The following CIMAP1B variants were observed in gnomAD, a reference collection of about 807,000 sequenced individuals.
CIMAP1B encodes the protein orf2 5' to PD-ECGF/TP.
At chr22:50,532,006 T>C in the CIMAP1B span, 3 of 1,358,884 alleles carry the variant, frequency 2.2e-6, no homozygotes, top group Admixed American at 1.1e-4. Flanking sequence ...GCCCGGGGCC[T>C]CCGTAGTGCG....
the CIMAP1B span, chr22:50,530,564 C>G: frequency 1.9e-6 from 3 of 1,585,014 alleles, no homozygotes; most frequent in Non-Finnish European, 2.6e-6. Context: ...TCCGGTGCTG[C>G]GGGCCCGGAG....
the CIMAP1B span, chr22:50,530,747 G>A: frequency 1.9e-6 from 3 of 1,610,562 alleles, no homozygotes; most frequent in Non-Finnish European, 2.5e-6. Flanking sequence ...CCTGGCTTCC[G>A]AGTGTTGTCT....
the CIMAP1B span, chr22:50,530,749 G>A: frequency 6.2e-7 from 1 of 1,611,156 alleles, no homozygotes. Context: ...TGGCTTCCGA[G>A]TGTTGTCTTG....
At chr22:50,532,237 C>T in the CIMAP1B span, 1 of 1,037,988 alleles carries the variant, frequency 9.6e-7, no homozygotes, top group Non-Finnish European at 1.2e-6. Flanking sequence ...GCCAGCAAAA[C>T]AAACGCGAGC....
At chr22:50,530,594 G>C in the CIMAP1B span, 5 of 1,568,162 alleles carry the variant, frequency 3.2e-6, no homozygotes, top group Non-Finnish European at 4.3e-6. Context: ...ACCTCGCGGG[G>C]CCGGCATCCT....
the CIMAP1B span, chr22:50,530,851 G>C: frequency 6.2e-7 from 1 of 1,605,022 alleles, no homozygotes; most frequent in African/African-American, 1.3e-5. Context: ...GGGGCCCGGG[G>C]TCTGCGAGAG....
At chr22:50,531,636 C>T in the CIMAP1B span, 1 of 1,379,566 alleles carries the variant, frequency 7.2e-7, no homozygotes, top group South Asian at 1.7e-5. Context: ...GCGGGGGCGC[C>T]GTCGGTGCCG....
At chr22:50,532,065 C>A in the CIMAP1B span, 3 of 1,361,530 alleles carry the variant, frequency 2.2e-6, 1 homozygote, top group Non-Finnish European at 2.9e-6. Context: ...CCCACCCAGG[C>A]GTCCGAGCCC....
the CIMAP1B span, chr22:50,531,860 C>A: frequency 7.5e-7 from 1 of 1,327,814 alleles, no homozygotes; most frequent in Non-Finnish European, 9.7e-7. Flanking sequence ...GACCCCCTCT[C>A]CCCTCTAGCA....
the CIMAP1B span, chr22:50,530,617 A>T: frequency 3.2e-6 from 5 of 1,563,000 alleles, no homozygotes; most frequent in Non-Finnish European, 4.3e-6. Context: ...CCGCGCCGGG[A>T]CCCCTGGACC....
the CIMAP1B span, chr22:50,531,079 G>A: frequency 6.2e-6 from 10 of 1,600,200 alleles, no homozygotes; most frequent in Non-Finnish European, 6.8e-6. Context: ...GGCAGGGCTC[G>A]GGGGTAGTGG....
At chr22:50,530,617 A>G in the CIMAP1B span, 1 of 1,563,000 alleles carries the variant, frequency 6.4e-7, no homozygotes, top group Non-Finnish European at 8.7e-7. Flanking sequence ...CCGCGCCGGG[A>G]CCCCTGGACC....
At chr22:50,530,774 G>C in the CIMAP1B span, 1 of 1,608,622 alleles carries the variant, frequency 6.2e-7, no homozygotes, top group African/African-American at 1.3e-5. Flanking sequence ...AGCGAAGTCC[G>C]CGCCAGAATC....
At chr22:50,531,047 A>G in the CIMAP1B span, 1 of 1,610,062 alleles carries the variant, frequency 6.2e-7, no homozygotes, top group East Asian at 2.2e-5. Flanking sequence ...GGCACCGTAT[A>G]GGCCGCGGGA....
the CIMAP1B span, chr22:50,530,437 A>G: frequency 5.2e-6 from 8 of 1,540,372 alleles, no homozygotes; most frequent in Non-Finnish European, 7.1e-6. Context: ...GCGGACTCGC[A>G]GACTTTAAGC....
the CIMAP1B span, chr22:50,532,421 A>C: frequency 8.8e-6 from 2 of 226,358 alleles, no homozygotes; most frequent in Non-Finnish European, 1.7e-5. Flanking sequence ...GCTGTTGGGA[A>C]AGGGTGCCCC....
the CIMAP1B span, chr22:50,531,277 C>A: frequency 6.2e-7 from 1 of 1,609,500 alleles, no homozygotes; most frequent in East Asian, 2.2e-5. Context: ...GTTCCCCGCT[C>A]GCTCCGGGAA....
the CIMAP1B span, chr22:50,530,908 C>G: frequency 6.2e-7 from 1 of 1,609,338 alleles, no homozygotes; most frequent in East Asian, 2.2e-5. Context: ...ACCAGGGACC[C>G]CCTGCGTCCG....
chr22:50,531,012 G>A, the CIMAP1B span: 1 of 1,610,780 alleles, frequency 6.2e-7, no homozygotes, highest in Non-Finnish European at 8.5e-7. Flanking sequence ...AGACTTTGCC[G>A]ATGACGCGCG....
Sources: gnomAD v4.1 joint callset for allele counts on GRCh38, gnomAD v4.1.1 for gene constraint, MANE v1.5 for transcripts, NCBI Gene and HGNC (gene_info 2026-07-23, HGNC 2026-07-21) for gene names.